The following KCNQ3 variants were observed in gnomAD, a reference collection of about 807,000 sequenced individuals.
KCNQ3 encodes the protein potassium voltage-gated channel subfamily KQT member 3.
KCNQ3 carries 30 observed loss-of-function variants against 92.5 expected under a neutral mutation model. That is an observed-to-expected ratio of 0.32 (90% CI 0.24 to 0.44). KCNQ3 has a LOEUF of 0.44. KCNQ3 is among the 20% of genes least tolerant of loss of function. The pLI is 1.00. For missense variants in KCNQ3, 913 were observed against 1,140.3 expected (o/e 0.80, Z 2.87); for synonymous variants, 450 against 468.8 (o/e 0.96, Z 0.52).
intron 1 of KCNQ3, among the ~76,000 whole-genome samples, chr8:132,463,034 C>A (rs1822097762): frequency 6.6e-6 from 1 of 152,124 alleles, no homozygotes; most frequent in Non-Finnish European, 1.5e-5. Context: ...CAAAACATAA[C>A]AACCTTTAGC....
intron 9 of KCNQ3, among the ~76,000 whole-genome samples, chr8:132,149,935 G>T (rs189830796): frequency 2.8e-4 from 42 of 152,288 alleles, no homozygotes; most frequent in African/African-American, 9.9e-4. Flanking sequence ...TCTCCCTGGT[G>T]CAGAAACCAT....
chr8:132,164,469 G>A (rs1826083712), intron 8 of KCNQ3, among the ~76,000 whole-genome samples: 1 of 152,010 alleles, frequency 6.6e-6, no homozygotes, highest in South Asian at 2.1e-4. Flanking sequence ...GACAGAACAA[G>A]AGAATCATGG....
intron 1 of KCNQ3, chr8:132,278,152 T>G: frequency 2.0e-6 from 2 of 985,354 alleles, no homozygotes; most frequent in South Asian, 9.4e-5. Flanking sequence ...CATTTTGTAC[T>G]CTGGAAATTT....
At chr8:132,201,639 T>C (rs918119220) in intron 1 of KCNQ3, among the ~76,000 whole-genome samples, 2 of 152,200 alleles carry the variant, frequency 1.3e-5, no homozygotes, top group Non-Finnish European at 2.9e-5. Flanking sequence ...GGAATAATCT[T>C]TCCCTCCATA....
chr8:132,328,048 G>A (rs1004710530), intron 1 of KCNQ3, among the ~76,000 whole-genome samples: 1 of 152,158 alleles, frequency 6.6e-6, no homozygotes, highest in Non-Finnish European at 1.5e-5. Context: ...TGAGCAGGAT[G>A]CCTGCTCTCT....
chr8:132,312,030 G>A (rs1586917862), intron 1 of KCNQ3, among the ~76,000 whole-genome samples: 1 of 151,822 alleles, frequency 6.6e-6, no homozygotes, highest in East Asian at 1.9e-4. Context: ...ATGGAGTGAT[G>A]CATCTACACA....
chr8:132,372,759 C>CAAAAAAAAA (rs749955464), intron 1 of KCNQ3, among the ~76,000 whole-genome samples: 3 of 67,744 alleles, frequency 4.4e-5, no homozygotes, highest in Non-Finnish European at 8.1e-5. Context: ...GACTTTGTCT[C>CAAAAAAAAA]AAAAAAAAAA....
intron 1 of KCNQ3, among the ~76,000 whole-genome samples, chr8:132,192,151 A>C (rs1827179637): frequency 6.6e-6 from 1 of 152,210 alleles, no homozygotes. Flanking sequence ...ATGCAGTTTC[A>C]GCCGATTCCC....
chr8:132,452,090 A>G (rs1177470920), intron 1 of KCNQ3, among the ~76,000 whole-genome samples: 1 of 152,226 alleles, frequency 6.6e-6, no homozygotes, highest in Non-Finnish European at 1.5e-5. Flanking sequence ...TAAAATATAC[A>G]TAACATAAAT....
chr8:132,468,259 G>A (rs1039492540), intron 1 of KCNQ3, among the ~76,000 whole-genome samples: 1 of 152,190 alleles, frequency 6.6e-6, no homozygotes, highest in Admixed American at 6.5e-5. Flanking sequence ...GGGACAGGCA[G>A]AAGGAGAGAG....
intron 1 of KCNQ3, among the ~76,000 whole-genome samples, chr8:132,466,997 G>A (rs947944402): frequency 6.6e-6 from 1 of 152,186 alleles, no homozygotes; most frequent in Non-Finnish European, 1.5e-5. Flanking sequence ...CACAAACCAA[G>A]AGAGAATGCC....
intron 1 of KCNQ3, among the ~76,000 whole-genome samples, chr8:132,399,301 A>G (rs1402755546): frequency 1.3e-5 from 2 of 152,144 alleles, no homozygotes; most frequent in African/African-American, 4.8e-5. Flanking sequence ...TTTGCTTTCA[A>G]TGCATTCGAT....
intron 1 of KCNQ3, among the ~76,000 whole-genome samples, chr8:132,389,747 G>A (rs1488880296): frequency 1.3e-5 from 2 of 152,170 alleles, no homozygotes; most frequent in African/African-American, 4.8e-5. Context: ...CCATCAGAAT[G>A]GCTAAAATTA....
At chr8:132,421,545 C>A (rs1371883320) in intron 1 of KCNQ3, among the ~76,000 whole-genome samples, 1 of 151,946 alleles carries the variant, frequency 6.6e-6, no homozygotes, top group Admixed American at 6.6e-5. Context: ...GTGTGTGGGT[C>A]GGGGGAACAA....
rs1027241461 is a variant in KCNQ3, at chr8:132,329,560, A to G, written c.387-143379T>C. On this transcript the variant is annotated intron_variant, in intron 1 of 14. Coordinates refer to ENST00000388996, the MANE Select transcript of KCNQ3 (RefSeq NM_004519.4). Reference sequence around the variant, plus strand: ...GGCCATGCACACCTTCTCAGCTCCCATCACAACATACGACAGTGGTCGGTG... The same window carrying G: ...GGCCATGCACACCTTCTCAGCTCCCGTCACAACATACGACAGTGGTCGGTG... 5.3e-5 allele frequency among the ~76,000 whole-genome samples: 8 copies of G among 152,280 alleles called. No homozygotes were observed. The East Asian group carries it at 1.5e-3, about 29-fold the overall frequency.
chr8:132,154,193 G>GTCTTTTTTTTTTTTTT (rs1825726642), intron 9 of KCNQ3, among the ~76,000 whole-genome samples: 1 of 27,456 alleles, frequency 3.6e-5, no homozygotes, highest in African/African-American at 1.5e-4. Context: ...AAGGGTAAAA[G>GTCTTTTTTTTTTTTTT]TTTTTTTTTT....
chr8:132,121,924 A>G lies in KCNQ3; in HGVS notation c.*7338T>C, dbSNP rs1308487496. 6.6e-6 allele frequency: 1 copy of G among 152,196 alleles called. No individual in the cohort carries two copies. The highest frequency in any genetic ancestry group is 1.5e-5 in the Non-Finnish European group (1 of 68,054). 9.4% of individuals were successfully genotyped at this position (152,196 alleles called of 1,614,324 possible). A position where few individuals can be genotyped will look rare whatever the true frequency, so the allele number is the denominator to read the frequency against. Reference sequence around the variant, plus strand: ...TGAGGCATTATTTTCTGCCACTGACAGCTGGATTGTGAAGCCACTCAAAGG... The same window carrying G: ...TGAGGCATTATTTTCTGCCACTGACGGCTGGATTGTGAAGCCACTCAAAGG... On this transcript the variant is annotated 3_prime_UTR_variant, in exon 15 of 15. Transcript: ENST00000388996.
intron 1 of KCNQ3, among the ~76,000 whole-genome samples, chr8:132,325,349 T>C (rs868242704): frequency 4.6e-5 from 7 of 152,130 alleles, no homozygotes; most frequent in African/African-American, 1.7e-4. Flanking sequence ...TGTCAAGACC[T>C]TTCCATTTCT....
At chr8:132,164,986 A>G (rs1826101021) in intron 8 of KCNQ3, among the ~76,000 whole-genome samples, 1 of 152,150 alleles carries the variant, frequency 6.6e-6, no homozygotes. Flanking sequence ...ATGAAGGCCC[A>G]TACTCCACAG....
Sources: gnomAD v4.1 joint callset for allele counts (sites outside exome capture counted in the v4.1 genomes callset) on GRCh38, gnomAD v4.1.1 for gene constraint, MANE v1.5 for transcripts, NCBI Gene and HGNC (gene_info 2026-07-23, HGNC 2026-07-21) for gene names.